FIRRM: variants seen among roughly 807,000 people sequenced by gnomAD.
The protein encoded by FIRRM is FIGNL1-interacting regulator of recombination and mitosis.
chr1:169,836,649 C>A, the FIRRM span, among the ~76,000 whole-genome samples: 222 of 152,254 alleles, frequency 1.5e-3, 1 homozygote, highest in African/African-American at 5.2e-3. Flanking sequence ...GATAAGATAT[C>A]TGACATAACT....
the FIRRM span, among the ~76,000 whole-genome samples, chr1:169,796,759 C>T: frequency 6.6e-6 from 1 of 152,122 alleles, no homozygotes; most frequent in African/African-American, 2.4e-5. Flanking sequence ...CTAAGCCTTG[C>T]CCTTCTCTCA....
the FIRRM span, among the ~76,000 whole-genome samples, chr1:169,811,140 G>A: frequency 9.9e-5 from 15 of 151,964 alleles, no homozygotes; most frequent in African/African-American, 3.4e-4. Context: ...GATTACAGGC[G>A]TGAGCCACCG....
At chr1:169,803,992 A>G in the FIRRM span, 1 of 832,822 alleles carries the variant, frequency 1.2e-6, no homozygotes, top group Non-Finnish European at 1.7e-6. Context: ...TAAATTTATG[A>G]TCTCTAATAG....
At chr1:169,820,666 C>T in the FIRRM span, among the ~76,000 whole-genome samples, 1 of 152,168 alleles carries the variant, frequency 6.6e-6, no homozygotes, top group African/African-American at 2.4e-5. Context: ...ACTCTAACTC[C>T]CGTAAGTTAG....
chr1:169,827,577 G>T, the FIRRM span: 2 of 914,626 alleles, frequency 2.2e-6, no homozygotes, highest in Admixed American at 2.0e-5. Context: ...GGTGGAGGTT[G>T]CAGTGAGCTG....
At chr1:169,826,980 T>A in the FIRRM span, 7 of 1,390,478 alleles carry the variant, frequency 5.0e-6, no homozygotes, top group South Asian at 9.0e-5. Flanking sequence ...AACATCAGTT[T>A]ATAGTACTTA....
chr1:169,836,318 A>T, the FIRRM span, among the ~76,000 whole-genome samples: 5 of 152,326 alleles, frequency 3.3e-5, no homozygotes, highest in South Asian at 1.0e-3. Context: ...GCATTTTAAC[A>T]AAACAGTACT....
chr1:169,809,853 G>A, the FIRRM span, among the ~76,000 whole-genome samples: 9 of 152,200 alleles, frequency 5.9e-5, no homozygotes, highest in African/African-American at 2.2e-4. Context: ...TCAAAGTAAA[G>A]TATTGAAGTT....
the FIRRM span, chr1:169,836,981 C>T: frequency 6.2e-7 from 1 of 1,613,376 alleles, no homozygotes; most frequent in Non-Finnish European, 8.5e-7. Flanking sequence ...GCCTCTGTGG[C>T]AACATATTTC....
chr1:169,800,701 C>T, the FIRRM span, among the ~76,000 whole-genome samples: 30 of 132,022 alleles, frequency 2.3e-4, no homozygotes, highest in East Asian at 3.1e-3. Flanking sequence ...ATATGTAGGT[C>T]GTTTCCTTTC....
chr1:169,798,982 A>G, the FIRRM span: 7 of 1,030,530 alleles, frequency 6.8e-6, no homozygotes, highest in Non-Finnish European at 9.9e-6. Flanking sequence ...TTTTAACTGT[A>G]TGATGTACTT....
At chr1:169,817,776 T>C in the FIRRM span, among the ~76,000 whole-genome samples, 28,381 of 152,146 alleles carry the variant, frequency 0.19, 2,812 homozygotes, top group South Asian at 0.26. Flanking sequence ...TAAAATCTAA[T>C]TTTAATCAAT....
At chr1:169,849,974 T>C in the FIRRM span, 1 of 474,254 alleles carries the variant, frequency 2.1e-6, no homozygotes, top group South Asian at 2.8e-5. Flanking sequence ...GATGGGTTGC[T>C]CCTTTACTCT....
chr1:169,826,073 C>CTT, the FIRRM span: 1 of 322,596 alleles, frequency 3.1e-6, no homozygotes, highest in South Asian at 2.8e-5. Flanking sequence ...TTTAAAACAA[C>CTT]TTTTTTTTTC....
At chr1:169,814,836 C>T in the FIRRM span, among the ~76,000 whole-genome samples, 13 of 152,128 alleles carry the variant, frequency 8.5e-5, no homozygotes, top group Non-Finnish European at 1.9e-4. Flanking sequence ...AAGTTATCCT[C>T]GGATTTTAGA....
At chr1:169,792,110 G>C in the FIRRM span, among the ~76,000 whole-genome samples, 1 of 152,096 alleles carries the variant, frequency 6.6e-6, no homozygotes, top group Non-Finnish European at 1.5e-5. Flanking sequence ...TCAGCATTCT[G>C]ATCCTTACTA....
the FIRRM span, chr1:169,804,052 C>T: frequency 7.1e-7 from 1 of 1,398,790 alleles, no homozygotes; most frequent in African/African-American, 1.5e-5. Context: ...TTTTTTCTCT[C>T]ATTTTTATTT....
the FIRRM span, chr1:169,826,966 C>T: frequency 1.7e-6 from 2 of 1,181,600 alleles, no homozygotes; most frequent in East Asian, 2.4e-5. Flanking sequence ...ATTTTTACTA[C>T]CAGAACATCA....
chr1:169,835,338 C>G, the FIRRM span, among the ~76,000 whole-genome samples: 1,178 of 152,182 alleles, frequency 7.7e-3, 18 homozygotes, highest in African/African-American at 0.027. Flanking sequence ...TTATTGAAAT[C>G]ACATTATTTC....
Sources: gnomAD v4.1 joint callset for allele counts (sites outside exome capture counted in the v4.1 genomes callset) on GRCh38, gnomAD v4.1.1 for gene constraint, MANE v1.5 for transcripts, NCBI Gene and HGNC (gene_info 2026-07-23, HGNC 2026-07-21) for gene names.